The following NEK10 variants were observed in gnomAD, a reference collection of about 807,000 sequenced individuals.
NEK10 encodes the protein serine/threonine-protein kinase Nek10.
NEK10 carries 122 observed loss-of-function variants against 159.8 expected under a neutral mutation model. The observed-to-expected ratio is 0.76, with a 90% CI of 0.66 to 0.89. The LOEUF (loss-of-function observed/expected upper bound fraction) is 0.89. NEK10 is among the 40% of genes least tolerant of loss of function. NEK10 has a pLI of 0.00. For synonymous variants in NEK10, 466 were observed against 457.1 expected (o/e 1.02, Z -0.25); for missense variants, 1,342 against 1,323.1 (o/e 1.01, Z -0.22).
chr3:27,164,127 C>G (rs1414371066), intron 29 of NEK10, among the ~76,000 whole-genome samples: 3 of 152,126 alleles, frequency 2.0e-5, no homozygotes, highest in Non-Finnish European at 4.4e-5. Flanking sequence ...GTAAATGGAA[C>G]CTGCCAGCCT....
intron 22 of NEK10, chr3:27,278,563 T>C (rs1311435120): frequency 5.2e-6 from 2 of 385,826 alleles, no homozygotes; most frequent in African/African-American, 2.2e-5. Context: ...CAAATATCAC[T>C]TGAGAAACAG....
At chr3:27,301,570 G>A in intron 13 of NEK10, 126 bp downstream of exon 13, 1 of 691,696 alleles carries the variant, frequency 1.4e-6, no homozygotes, top group Non-Finnish European at 2.5e-6. Flanking sequence ...CATCCATGTG[G>A]ATTTCACTTT....
At chr3:27,260,829 C>T (rs1417687687) in intron 22 of NEK10, among the ~76,000 whole-genome samples, 2 of 152,010 alleles carry the variant, frequency 1.3e-5, no homozygotes, top group African/African-American at 2.4e-5. Flanking sequence ...TGGTAGAATT[C>T]GGCTGTGAAT....
intron 7 of NEK10, 74 bp downstream of exon 7, chr3:27,314,223 A>G: frequency 9.5e-7 from 1 of 1,055,812 alleles, no homozygotes. Flanking sequence ...CTTCTGTCAC[A>G]TACCCTTTTA....
chr3:27,341,475 T>C (rs1186556758), intron 5 of NEK10, among the ~76,000 whole-genome samples: 4 of 152,126 alleles, frequency 2.6e-5, no homozygotes, highest in Non-Finnish European at 5.9e-5. Flanking sequence ...ATGTAAAATA[T>C]TATATAGCAG....
At chr3:27,281,858 T>TCCC (rs2042184204) in intron 22 of NEK10, among the ~76,000 whole-genome samples, 1 of 151,874 alleles carries the variant, frequency 6.6e-6, no homozygotes, top group Non-Finnish European at 1.5e-5. Context: ...AAAGTGGGAG[T>TCCC]ACTTATCATG....
rs1366581027 is a variant in NEK10, at chr3:27,344,382, C to G, written c.264-12G>C. The G allele has an allele frequency of 2.1e-6, 3 of 1,404,090 alleles. No homozygotes were observed. Among genetic ancestry groups the G allele is most frequent in the Non-Finnish European group, 2.0e-6 (2 of 1,000,916 alleles). The allele number at this position is 1,404,090 out of a possible 1,614,324, so 87.0% of individuals were successfully genotyped here. ...TCTTGTAGTTTATACTGAGACAAAA[C>G]AAACAGAAAAGGATTTTGTAATAGA... On this transcript the variant is annotated splice_polypyrimidine_tract_variant and intron_variant, in intron 4 of 35. Coordinates refer to ENST00000691995, the MANE Select transcript of NEK10 (RefSeq NM_001394966.1).
rs577597528 is a variant in NEK10 at position 27,152,146 on chromosome 3, C to A, written c.2869+10555G>T. Among the ~76,000 whole-genome samples the A allele has an allele frequency of 2.6e-5, 4 of 152,228 alleles. No homozygotes were observed. In the East Asian group the frequency reaches 5.8e-4, roughly 22 times the overall value. ...GAAAATACAAGAAGCACAAAGAACA[C>A]CTGGGAAATTCATTGCAAAAAGATC... On this transcript the variant is annotated intron_variant, in intron 30 of 35. Transcript: ENST00000691995.
chr3:27,272,270 C>T (rs1270072859), intron 22 of NEK10, among the ~76,000 whole-genome samples: 2 of 152,180 alleles, frequency 1.3e-5, no homozygotes, highest in African/African-American at 4.8e-5. Context: ...CCACTTCCCA[C>T]CCAAGACTGG....
At chr3:27,252,874 G>T in intron 23 of NEK10, 2 of 512,680 alleles carry the variant, frequency 3.9e-6, no homozygotes, top group Non-Finnish European at 7.8e-6. Context: ...AAGGTTGTCT[G>T]CTTGTGGCCA....
intron 8 of NEK10, chr3:27,311,823 A>C: frequency 2.5e-6 from 1 of 394,740 alleles, no homozygotes; most frequent in Non-Finnish European, 4.6e-6. Flanking sequence ...CAGAAATAAA[A>C]AGACGCAAAA....
chr3:27,130,878 A>G (rs1338990673), intron 32 of NEK10, among the ~76,000 whole-genome samples: 1 of 152,210 alleles, frequency 6.6e-6, no homozygotes, highest in Non-Finnish European at 1.5e-5. Flanking sequence ...AACCCAGGAA[A>G]GAAACCTTGC....
chr3:27,140,207 A>T (rs995294431), intron 31 of NEK10, among the ~76,000 whole-genome samples: 5 of 152,178 alleles, frequency 3.3e-5, no homozygotes, highest in African/African-American at 1.2e-4. Flanking sequence ...GGTGTGGTAG[A>T]CAGAAACCTG....
At chr3:27,161,213 C>G (rs1945984037) in intron 30 of NEK10, among the ~76,000 whole-genome samples, 1 of 152,122 alleles carries the variant, frequency 6.6e-6, no homozygotes, top group East Asian at 1.9e-4. Context: ...GTTGGAACAT[C>G]AATTAATAAC....
intron 23 of NEK10, among the ~76,000 whole-genome samples, chr3:27,202,899 T>C (rs956196351): frequency 1.3e-5 from 2 of 152,162 alleles, no homozygotes; most frequent in Non-Finnish European, 2.9e-5. Context: ...GTACATCCCA[T>C]CCTTGTGGTA....
At chr3:27,264,813 G>A (rs1166728835) in intron 22 of NEK10, among the ~76,000 whole-genome samples, 4 of 151,930 alleles carry the variant, frequency 2.6e-5, no homozygotes, top group African/African-American at 4.8e-5. Context: ...GGAATCACTG[G>A]AACCCGGCGG....
chr3:27,339,727 C>T (rs1432522638), intron 5 of NEK10, among the ~76,000 whole-genome samples: 1 of 148,536 alleles, frequency 6.7e-6, no homozygotes, highest in Non-Finnish European at 1.5e-5. Flanking sequence ...TGCAGTGAGC[C>T]GAGATCGGGC....
intron 23 of NEK10, among the ~76,000 whole-genome samples, chr3:27,249,302 G>A (rs1955417099): frequency 6.6e-6 from 1 of 152,166 alleles, no homozygotes; most frequent in Non-Finnish European, 1.5e-5. Flanking sequence ...GTCTCAGGTA[G>A]TTCTTTATAG....
intron 22 of NEK10, among the ~76,000 whole-genome samples, chr3:27,261,794 T>A (rs1425186398): frequency 6.6e-6 from 1 of 152,054 alleles, no homozygotes; most frequent in Admixed American, 6.6e-5. Flanking sequence ...CTTTCTGTCT[T>A]GTTGATCTGT....
Sources: allele counts gnomAD v4.1 joint callset (sites outside exome capture counted in the v4.1 genomes callset), GRCh38; gene constraint gnomAD v4.1.1; transcripts MANE v1.5; gene names NCBI Gene and HGNC (gene_info 2026-07-23, HGNC 2026-07-21).